The following C9 variants were observed in gnomAD, a reference collection of about 807,000 sequenced individuals.
C9 encodes the protein complement component C9.
In C9, 63 loss-of-function variants were observed where a neutral mutation model predicts 65.4. The ratio of observed to expected loss-of-function variants is 0.96; its 90% CI spans 0.79 to 1.19. The LOEUF (loss-of-function observed/expected upper bound fraction) is 1.19, where lower values mean the gene tolerates loss of function less well. C9 is among the 50% of genes most tolerant of loss of function. The pLI is 0.00. For missense variants in C9, 744 were observed against 670.1 expected, an observed-to-expected ratio of 1.11 and a Z score of -1.22; for synonymous variants, 229 against 227.9, an observed-to-expected ratio of 1.00 and a Z score of -0.04.
intron 9 of C9, among the ~76,000 whole-genome samples, chr5:39,299,839 A>G (rs1753251531): frequency 6.6e-6 from 1 of 152,164 alleles, no homozygotes; most frequent in Non-Finnish European, 1.5e-5. Context: ...TTAAAAATCT[A>G]ATTACATTAA....
intron 1 of C9, among the ~76,000 whole-genome samples, chr5:39,347,812 C>A (rs1370175967): frequency 6.6e-6 from 1 of 152,020 alleles, no homozygotes; most frequent in African/African-American, 2.4e-5. Flanking sequence ...GTACTGGTAC[C>A]AAAACAGAGA....
chr5:39,339,894 C>T (rs188562191), intron 4 of C9, among the ~76,000 whole-genome samples: 2 of 151,890 alleles, frequency 1.3e-5, no homozygotes, highest in Non-Finnish European at 2.9e-5. Flanking sequence ...CTCCTGACTT[C>T]GTGATCCGCC....
intron 1 of C9, among the ~76,000 whole-genome samples, chr5:39,352,265 A>T (rs922356449): frequency 3.9e-5 from 6 of 152,210 alleles, no homozygotes; most frequent in Non-Finnish European, 8.8e-5. Flanking sequence ...GGGAATTACA[A>T]TTTGACATGA....
chr5:39,298,144 A>C (rs2111857327), intron 9 of C9, among the ~76,000 whole-genome samples: 1 of 151,790 alleles, frequency 6.6e-6, no homozygotes, highest in Middle Eastern at 3.4e-3. Flanking sequence ...AACACATCAA[A>C]ACTTGTGGGA....
chr5:39,333,945 G>C (rs1186586280), intron 4 of C9, among the ~76,000 whole-genome samples: 1 of 152,172 alleles, frequency 6.6e-6, no homozygotes, highest in Non-Finnish European at 1.5e-5. Flanking sequence ...GTGCAGTGGC[G>C]TGATCTCGGC....
intron 9 of C9, among the ~76,000 whole-genome samples, chr5:39,305,725 A>T (rs997657546): frequency 1.3e-5 from 2 of 152,162 alleles, no homozygotes; most frequent in Non-Finnish European, 2.9e-5. Context: ...TCTAGGAATA[A>T]GAACTTGACT....
rs1389496985 is a variant in C9 at position 39,284,350 on chromosome 5, A to G, written c.*849T>C. 1.3e-5 allele frequency: 2 copies of G among 152,130 alleles called. No homozygotes were observed. The highest frequency in any genetic ancestry group is 2.9e-5 in the Non-Finnish European group (2 of 68,018). 9.4% of individuals were successfully genotyped at this position (152,130 alleles called of 1,614,324 possible). A position where few individuals can be genotyped will look rare whatever the true frequency, so the allele number is the denominator to read the frequency against. On this transcript the variant is annotated 3_prime_UTR_variant, in exon 11 of 11. Coordinates refer to ENST00000263408, the MANE Select transcript of C9 (RefSeq NM_001737.5). The stretch of plus-strand genomic sequence containing the variant: ...AGCACCATGTTCTCTAATGAATAAG[A>G]TTGTACAACCAATGTTAATCAGCTT...
chr5:39,301,998 C>T (rs2910959), intron 9 of C9, among the ~76,000 whole-genome samples: 59,137 of 151,662 alleles, frequency 0.39, 12,058 homozygotes, highest in Non-Finnish European at 0.46. Flanking sequence ...TCTTGTTATA[C>T]CCTTCAAAGG....
At chr5:39,292,152 A>G (rs1753107605) in intron 9 of C9, among the ~76,000 whole-genome samples, 1 of 151,824 alleles carries the variant, frequency 6.6e-6, no homozygotes, top group Non-Finnish European at 1.5e-5. Flanking sequence ...TTCAAGCAGA[A>G]TAAATATACA....
intron 9 of C9, among the ~76,000 whole-genome samples, chr5:39,292,901 TATATC>T (rs1279884626): frequency 1.3e-5 from 2 of 151,206 alleles, no homozygotes; most frequent in Non-Finnish European, 3.0e-5. Flanking sequence ...ACATGAGTAA[TATATC>T]AATACTGGAA....
intron 1 of C9, among the ~76,000 whole-genome samples, chr5:39,345,342 T>C (rs1189592704): frequency 6.6e-6 from 1 of 151,266 alleles, no homozygotes; most frequent in Admixed American, 6.6e-5. Context: ...ACCAAGCAAA[T>C]GAAAAACAAA....
chr5:39,341,063 G>A (rs926998489), intron 4 of C9, 83 bp downstream of exon 4: 4 of 1,462,042 alleles, frequency 2.7e-6, no homozygotes, highest in Non-Finnish European at 3.8e-6. Flanking sequence ...TCGCACAAAT[G>A]CTTCTACCAG....
chr5:39,331,738 G>A lies in C9; in HGVS notation c.553C>T (p.Arg185Trp), dbSNP rs530406212. The change falls in exon 5 of 11, where the codon CGG becomes TGG. Residue 185 changes from arginine (R) to tryptophan (W), a missense_variant. Coordinates refer to ENST00000263408, the MANE Select transcript of C9 (RefSeq NM_001737.5). ...EFYNGLCNRD[R>W]DGNTLTYYRR... ...TAGTATGTCAGAGTGTTTCCATCCC[G>A]ATCCCGGTTACAGAGTCCATTGTAG... The A allele has an allele frequency of 6.2e-6, 10 of 1,613,204 alleles. No homozygotes were observed. The highest frequency in any genetic ancestry group is 3.3e-5 in the Admixed American group (2 of 60,008).
chr5:39,339,177 T>TAAA (rs1754021883), intron 4 of C9, among the ~76,000 whole-genome samples: 1 of 152,194 alleles, frequency 6.6e-6, no homozygotes. Context: ...CCATGCCATT[T>TAAA]ACTGCCTAAA....
At chr5:39,333,925 C>T (rs1015005048) in intron 4 of C9, among the ~76,000 whole-genome samples, 1 of 152,196 alleles carries the variant, frequency 6.6e-6, no homozygotes, top group African/African-American at 2.4e-5. Context: ...TCAATGGTGC[C>T]CAGGCTGGAG....
intron 4 of C9, 43 bp downstream of exon 4, chr5:39,341,103 T>C (rs759185912): frequency 2.6e-5 from 42 of 1,606,996 alleles, no homozygotes; most frequent in Non-Finnish European, 3.6e-5. Flanking sequence ...TGGAGATCAT[T>C]TTCACTCATT....
intron 4 of C9, among the ~76,000 whole-genome samples, chr5:39,334,305 C>A (rs1303283037): frequency 6.6e-6 from 1 of 151,424 alleles, no homozygotes; most frequent in Non-Finnish European, 1.5e-5. Context: ...CCGGCCGCAA[C>A]CCCGTCTGGG....
At chr5:39,323,293 G>C (rs1211446317) in intron 5 of C9, among the ~76,000 whole-genome samples, 1 of 151,364 alleles carries the variant, frequency 6.6e-6, no homozygotes, top group African/African-American at 2.4e-5. Context: ...TGAAGAAGAG[G>C]GAATATTTCC....
rs1753479472 is a variant in C9 at position 39,311,289 on chromosome 5, A to G, written c.959T>C (p.Val320Ala). 3 of 1,613,820 alleles carry G rather than the reference A, an allele frequency of 1.9e-6. No homozygotes were observed. The highest frequency in any genetic ancestry group is 2.5e-6 in the Non-Finnish European group (3 of 1,179,764). Reference protein sequence around the residue: ...NRDVVLTTTFVDDIKALPTTY... With the variant: ...NRDVVLTTTFADDIKALPTTY... ...AGTTGGCAAAGCTTTTATATCATCCACAAAAGTTGTTGTGAGCACAACATC... is the reference window on the plus strand; with the variant it reads ...AGTTGGCAAAGCTTTTATATCATCCGCAAAAGTTGTTGTGAGCACAACATC... Residue 320 changes from valine (V) to alanine (A), a missense_variant, in exon 7 of 11, where the codon GTG (valine) becomes GCG (alanine). Physicochemically the swap from Val to Ala is moderately conservative, Grantham distance 64. Transcript: ENST00000263408.
Sources: allele counts gnomAD v4.1 joint callset (sites outside exome capture counted in the v4.1 genomes callset), GRCh38; gene constraint gnomAD v4.1.1; transcripts MANE v1.5; gene names NCBI Gene and HGNC (gene_info 2026-07-23, HGNC 2026-07-21).